KIF15: variants seen among roughly 807,000 people sequenced by gnomAD.
KIF15 encodes the protein kinesin family member 15.
KIF15 carries 140 observed loss-of-function variants against 190.6 expected under a neutral mutation model. That is an observed-to-expected ratio of 0.73 (90% CI 0.64 to 0.84). The LOEUF is 0.84. KIF15 is among the 40% of genes least tolerant of loss of function. The probability of loss-of-function intolerance (pLI) is 0.00; values close to 1 mark genes in which losing one functional copy is unlikely to be tolerated. For missense variants in KIF15, 1,372 were observed against 1,584.4 expected, an observed-to-expected ratio of 0.87 and a Z score of 2.28; for synonymous variants, 528 against 551.3, an observed-to-expected ratio of 0.96 and a Z score of 0.59.
intron 20 of KIF15, among the ~76,000 whole-genome samples, chr3:44,816,846 G>A (rs560337814): frequency 6.6e-6 from 1 of 152,170 alleles, no homozygotes; most frequent in South Asian, 2.1e-4. Flanking sequence ...ACTAATTTAC[G>A]CTCTCACCAA....
intron 24 of KIF15, among the ~76,000 whole-genome samples, chr3:44,829,211 G>A: frequency 6.6e-6 from 1 of 150,744 alleles, no homozygotes; most frequent in East Asian, 1.9e-4. Context: ...CAAAAAATTA[G>A]CTGGGCATGG....
At position 44,802,796 on chromosome 3, in the gene KIF15, A is replaced by C. The variant is rs781170362; in HGVS notation, c.1510-18A>C. 2 of 1,537,096 alleles carry C rather than the reference A, an allele frequency of 1.3e-6. No homozygotes were observed. The highest frequency in any genetic ancestry group is 1.7e-6 in the Non-Finnish European group (2 of 1,148,976). ...ATGTTTGTAAATATATAATGCGTGT[A>C]ATTCTTCTATGTCACAGATAGAGCA... On this transcript the variant is annotated intron_variant, in intron 13 of 34. Transcript: ENST00000326047.
intron 1 of KIF15, among the ~76,000 whole-genome samples, chr3:44,763,691 C>CTT (rs112801334): frequency 6.9e-6 from 1 of 145,906 alleles, no homozygotes. Context: ...CGATTCCCCC[C>CTT]TTTTTTTTTT....
At chr3:44,789,887 C>T (rs1429164441) in intron 7 of KIF15, among the ~76,000 whole-genome samples, 1 of 151,626 alleles carries the variant, frequency 6.6e-6, no homozygotes, top group Non-Finnish European at 1.5e-5. Flanking sequence ...AATAAGAACC[C>T]AACACACTTC....
intron 30 of KIF15, among the ~76,000 whole-genome samples, 195 bp from the exon 31 acceptor site, chr3:44,847,790 G>A (rs189104897): frequency 7.9e-5 from 12 of 152,244 alleles, no homozygotes; most frequent in Admixed American, 7.8e-4. Flanking sequence ...TGAGTTCTGG[G>A]GAAGTGCCTT....
At chr3:44,813,435 T>C (rs1443816115) in intron 19 of KIF15, among the ~76,000 whole-genome samples, 1 of 152,164 alleles carries the variant, frequency 6.6e-6, no homozygotes. Context: ...TGTTTGTTTT[T>C]GACACAGACT....
At chr3:44,843,520 G>T (rs1314644696) in intron 30 of KIF15, among the ~76,000 whole-genome samples, 1 of 152,138 alleles carries the variant, frequency 6.6e-6, no homozygotes, top group Non-Finnish European at 1.5e-5. Flanking sequence ...ATTTTTTTAA[G>T]GTATATATAA....
chr3:44,864,988 G>T, intron 6 of KIF15: 7 of 1,607,836 alleles, frequency 4.4e-6, no homozygotes, highest in Non-Finnish European at 6.0e-6. Flanking sequence ...GGAGAGTGAG[G>T]TTGTGCCCAC....
intron 27 of KIF15, among the ~76,000 whole-genome samples, chr3:44,839,327 C>T (rs1324277000): frequency 1.3e-5 from 2 of 151,014 alleles, no homozygotes; most frequent in Non-Finnish European, 1.5e-5. Flanking sequence ...GAGCCGAGAT[C>T]GCGCCACTGC....
chr3:44,788,043 C>T (rs750910558), intron 7 of KIF15, among the ~76,000 whole-genome samples: 1 of 152,020 alleles, frequency 6.6e-6, no homozygotes, highest in African/African-American at 2.4e-5. Flanking sequence ...TCAGGAGAGA[C>T]GGTTTCACCA....
chr3:44,859,992 C>G (rs1013803300), intron 6 of KIF15, among the ~76,000 whole-genome samples: 1 of 152,094 alleles, frequency 6.6e-6, no homozygotes, highest in Non-Finnish European at 1.5e-5. Context: ...GGGCTGGGGA[C>G]CTGGAGATTA....
chr3:44,811,561 C>G (rs929116374), intron 17 of KIF15, among the ~76,000 whole-genome samples: 1 of 152,084 alleles, frequency 6.6e-6, no homozygotes, highest in Non-Finnish European at 1.5e-5. Flanking sequence ...AGGAGAATTG[C>G]TTGAACCCGG....
chr3:44,785,020 TA>T, intron 6 of KIF15, 78 bp downstream of exon 6: 1 of 718,430 alleles, frequency 1.4e-6, no homozygotes, highest in African/African-American at 1.8e-5. Context: ...TAGCTCATGA[TA>T]CATGGTGGAG....
At chr3:44,829,693 TGTATATATATTATAG>T (rs1476508966) in intron 24 of KIF15, among the ~76,000 whole-genome samples, 20 of 133,794 alleles carry the variant, frequency 1.5e-4, no homozygotes, top group African/African-American at 5.1e-4. Context: ...ATATTATAGA[TGTATATATATTATAG>T]ATGTATATAT....
chr3:44,800,649 AATAATGT>A (rs1559545053), intron 11 of KIF15, among the ~76,000 whole-genome samples: 1 of 152,242 alleles, frequency 6.6e-6, no homozygotes, highest in Non-Finnish European at 1.5e-5. Flanking sequence ...AATAATTTTG[AATAATGT>A]ATAAGTGCTA....
chr3:44,794,451 A>G (rs1706873397), intron 8 of KIF15, 25 bp downstream of exon 8: 1 of 1,535,572 alleles, frequency 6.5e-7, no homozygotes, highest in Non-Finnish European at 8.8e-7. Context: ...ATGGTCTTCA[A>G]CTTGTGTGTG....
intron 26 of KIF15, among the ~76,000 whole-genome samples, chr3:44,834,052 T>G (rs979008956): frequency 1.3e-5 from 2 of 152,206 alleles, no homozygotes; most frequent in African/African-American, 2.4e-5. Context: ...CTCTTTTTTC[T>G]TCTTAAAAAT....
chr3:44,854,158 G>T (rs1428156436), downstream of KIF15, among the ~76,000 whole-genome samples: 2 of 152,128 alleles, frequency 1.3e-5, no homozygotes, highest in East Asian at 3.8e-4. Flanking sequence ...GCCAAGGCAG[G>T]TGGATCACTT....
intron 3 of KIF15, 60 bp downstream of exon 3, chr3:44,775,497 C>T: frequency 7.7e-7 from 1 of 1,303,972 alleles, no homozygotes; most frequent in South Asian, 1.4e-5. Flanking sequence ...CACTCTGTCA[C>T]CAGGCTGGAG....
Sources: gnomAD v4.1 joint callset for allele counts (sites outside exome capture counted in the v4.1 genomes callset) on GRCh38, gnomAD v4.1.1 for gene constraint, MANE v1.5 for transcripts, NCBI Gene and HGNC (gene_info 2026-07-23, HGNC 2026-07-21) for gene names.